Variants in ATP6V1H observed in about 807,000 individuals in gnomAD.
The protein encoded by ATP6V1H is ATPase H+ transporting V1 subunit H.
A neutral mutation model predicts 71.7 loss-of-function variants in ATP6V1H; 39 were observed. The ratio of observed to expected loss-of-function variants is 0.54; its 90% CI spans 0.42 to 0.71. The LOEUF (loss-of-function observed/expected upper bound fraction) is 0.71. Ranked by LOEUF, ATP6V1H falls within the 30% of genes least tolerant of loss-of-function variation. The probability of loss-of-function intolerance (pLI) is 0.00; values close to 1 mark genes in which losing one functional copy is unlikely to be tolerated. For synonymous variants in ATP6V1H, 192 were observed against 199.3 expected (o/e 0.96, Z 0.31); for missense variants, 509 against 594.9 (o/e 0.86, Z 1.50).
At chr8:53,756,894 C>T (rs1323852929) in intron 11 of ATP6V1H, among the ~76,000 whole-genome samples, 4 of 152,142 alleles carry the variant, frequency 2.6e-5, no homozygotes, top group African/African-American at 9.7e-5. Flanking sequence ...ATCAGGGACT[C>T]CCCCCTCAAG....
chr8:53,795,726 T>C lies in ATP6V1H; in HGVS notation c.791A>G (p.Asn264Ser). The C allele has an allele frequency of 6.2e-7, 1 of 1,614,048 alleles. No homozygotes were observed. Among genetic ancestry groups the C allele is most frequent in the Non-Finnish European group, 8.5e-7 (1 of 1,179,978 alleles). Residue 264 changes from asparagine (N) to serine (S), a missense_variant, in exon 9 of 14, where the codon AAT (asparagine) becomes AGT (serine). Coordinates refer to ENST00000359530, the MANE Select transcript of ATP6V1H (RefSeq NM_015941.4). The stretch of plus-strand genomic sequence containing the variant: ...GATATCAGACAGAACTGGAATGATA[T>C]TATAGCGCCGCAGGTGTTCACACAT... ...PQMCEHLRRY[N>S]IIPVLSDILQ...
chr8:53,745,035 T>C (rs753452126), intron 12 of ATP6V1H, among the ~76,000 whole-genome samples: 3 of 152,128 alleles, frequency 2.0e-5, no homozygotes, highest in African/African-American at 4.8e-5. Flanking sequence ...GTCAAAGGAA[T>C]CTTGGCAAAA....
intron 3 of ATP6V1H, chr8:53,832,618 T>A (rs2130527888): frequency 6.4e-6 from 1 of 156,056 alleles, no homozygotes; most frequent in South Asian, 2.0e-4. Flanking sequence ...AATAATGTAA[T>A]CCCATGTCAT....
chr8:53,724,636 C>A (rs992187205), intron 13 of ATP6V1H, among the ~76,000 whole-genome samples: 2 of 149,388 alleles, frequency 1.3e-5, no homozygotes, highest in Non-Finnish European at 3.0e-5. Context: ...GAGGCCACGC[C>A]CCAGGGACGG....
intron 5 of ATP6V1H, among the ~76,000 whole-genome samples, chr8:53,816,259 C>T (rs1453054255): frequency 6.6e-6 from 1 of 152,150 alleles, no homozygotes; most frequent in Non-Finnish European, 1.5e-5. Flanking sequence ...AGATAACATA[C>T]ATGTTCAAAA....
At chr8:53,815,669 G>A (rs1810425025) in intron 5 of ATP6V1H, among the ~76,000 whole-genome samples, 1 of 152,112 alleles carries the variant, frequency 6.6e-6, no homozygotes, top group African/African-American at 2.4e-5. Context: ...GTTTTCACAT[G>A]CCCAGCTAAA....
Position 53,774,971 on chromosome 8 carries a change from C to A in ATP6V1H, c.871-2804G>T, listed in dbSNP as rs116088586. On this transcript the variant is annotated intron_variant, in intron 9 of 13. Transcript: ENST00000359530. ...AATGACCTATGCAACGCAAGTGTGT[C>A]CGCAATTGGTGGGTTCTTGGTCTCA... is the stretch of plus-strand genomic sequence containing the variant. 1.8e-3 allele frequency among the ~76,000 whole-genome samples: 267 copies of A among 152,360 alleles called. 1 individual carries two copies. The highest frequency in any genetic ancestry group is 6.1e-3 in the African/African-American group (255 of 41,588).
chr8:53,784,858 T>C (rs902091543), intron 9 of ATP6V1H, among the ~76,000 whole-genome samples: 43 of 152,244 alleles, frequency 2.8e-4, no homozygotes, highest in Admixed American at 1.4e-3. Flanking sequence ...GAATGTTGAA[T>C]ATTGGCCCCC....
At chr8:53,766,339 C>T (rs913085147) in intron 11 of ATP6V1H, among the ~76,000 whole-genome samples, 1 of 152,210 alleles carries the variant, frequency 6.6e-6, no homozygotes, top group Non-Finnish European at 1.5e-5. Context: ...ATTTCCTATG[C>T]CTGTCTTTAA....
At chr8:53,762,463 T>G (rs577969550) in intron 11 of ATP6V1H, among the ~76,000 whole-genome samples, 121 of 152,210 alleles carry the variant, frequency 7.9e-4, no homozygotes, top group Admixed American at 3.7e-3. Context: ...GTCAAACCAT[T>G]TGTTTGACAA....
intron 5 of ATP6V1H, among the ~76,000 whole-genome samples, chr8:53,815,569 G>C (rs1810421742): frequency 6.6e-6 from 1 of 152,220 alleles, no homozygotes; most frequent in Admixed American, 6.5e-5. Context: ...CAGAATGTCA[G>C]ACACTTAAGT....
Position 53,811,202 on chromosome 8 carries a change from C to T in ATP6V1H, c.541G>A (p.Gly181Ser), listed in dbSNP as rs145265670. The change falls in exon 7 of 14, where the codon GGT (glycine) becomes AGT (serine). Residue 181 changes from glycine (G) to serine (S), a missense_variant. Transcript: ENST00000359530. ...ACTGTTCCTGTTTCAACAGCAACACCGCTACCACGCAGTTTCTATTACGAA... is the reference window on the plus strand; with the variant it reads ...ACTGTTCCTGTTTCAACAGCAACACTGCTACCACGCAGTTTCTATTACGAA... ...QLSSQKLRGS[G>S]VAVETGTVSS... 46 of 1,613,030 alleles carry T rather than the reference C, an allele frequency of 2.9e-5. No individual in the cohort carries two copies. The highest frequency in any genetic ancestry group is 3.3e-5 in the Admixed American group (2 of 59,978).
chr8:53,830,698 C>T (rs962204273), intron 3 of ATP6V1H, among the ~76,000 whole-genome samples: 6 of 152,084 alleles, frequency 3.9e-5, no homozygotes, highest in Admixed American at 3.3e-4. Flanking sequence ...TAAGAAAGAA[C>T]TGTTTTTGCA....
chr8:53,812,061 A>G (rs1239501852), intron 6 of ATP6V1H, among the ~76,000 whole-genome samples: 1 of 152,224 alleles, frequency 6.6e-6, no homozygotes, highest in Non-Finnish European at 1.5e-5. Flanking sequence ...TGAGCAAAGT[A>G]GCAAGTAATA....
chr8:53,834,313 A>G (rs1478524403), intron 2 of ATP6V1H, among the ~76,000 whole-genome samples: 1 of 152,236 alleles, frequency 6.6e-6, no homozygotes, highest in Non-Finnish European at 1.5e-5. Flanking sequence ...AAATGAAAAA[A>G]TATAAGAAAA....
chr8:53,827,188 G>A (rs2130511707), intron 4 of ATP6V1H, among the ~76,000 whole-genome samples: 1 of 152,056 alleles, frequency 6.6e-6, no homozygotes, highest in Admixed American at 6.5e-5. Flanking sequence ...TTTGAGACCA[G>A]CCTGGCCAAC....
At chr8:53,743,046 G>A (rs898588694) in intron 13 of ATP6V1H, among the ~76,000 whole-genome samples, 2 of 152,024 alleles carry the variant, frequency 1.3e-5, no homozygotes, top group Non-Finnish European at 2.9e-5. Context: ...TTTTAAGTGG[G>A]TACAAAAAAG....
chr8:53,827,757 C>A (rs1009826479), intron 4 of ATP6V1H, among the ~76,000 whole-genome samples: 1 of 152,026 alleles, frequency 6.6e-6, no homozygotes, highest in African/African-American at 2.4e-5. Flanking sequence ...TCCTCTCTCT[C>A]CCCCCACCCT....
chr8:53,805,043 T>G (rs16919573), intron 7 of ATP6V1H, among the ~76,000 whole-genome samples: 25,175 of 152,116 alleles, frequency 0.17, 3,370 homozygotes, highest in East Asian at 0.37. Context: ...AAAATAAGTA[T>G]GCAATAAACG....
Sources: gnomAD v4.1 joint callset for allele counts (sites outside exome capture counted in the v4.1 genomes callset) on GRCh38, gnomAD v4.1.1 for gene constraint, MANE v1.5 for transcripts, NCBI Gene and HGNC (gene_info 2026-07-23, HGNC 2026-07-21) for gene names.